The following CFAP144 variants were observed in gnomAD, a reference collection of about 807,000 sequenced individuals.
CFAP144 encodes the protein cilia- and flagella-associated protein 144.
chr1:43,145,927 A>G, the CFAP144 span, among the ~76,000 whole-genome samples: 2 of 152,238 alleles, frequency 1.3e-5, no homozygotes, highest in Non-Finnish European at 2.9e-5. Flanking sequence ...ATGGACTTGC[A>G]CAAATGGGGA....
chr1:43,149,303 T>A, the CFAP144 span, among the ~76,000 whole-genome samples: 1 of 152,202 alleles, frequency 6.6e-6, no homozygotes, highest in Non-Finnish European at 1.5e-5. Flanking sequence ...TAAGAAATAC[T>A]TTGGTGCCTA....
chr1:43,143,257 C>T, the CFAP144 span, among the ~76,000 whole-genome samples: 1 of 152,150 alleles, frequency 6.6e-6, no homozygotes, highest in Non-Finnish European at 1.5e-5. Context: ...AGTAGAGTCT[C>T]TACCTGAAAT....
At chr1:43,153,727 T>C in the CFAP144 span, among the ~76,000 whole-genome samples, 2 of 151,432 alleles carry the variant, frequency 1.3e-5, no homozygotes, top group Non-Finnish European at 2.9e-5. Context: ...GTAAGGGTCC[T>C]CTCCTTGTTT....
the CFAP144 span, among the ~76,000 whole-genome samples, chr1:43,147,057 C>T: frequency 6.6e-6 from 1 of 152,162 alleles, no homozygotes; most frequent in African/African-American, 2.4e-5. Flanking sequence ...GTTGGTCAAG[C>T]TGGTCTCGAA....
At chr1:43,153,957 G>T in the CFAP144 span, among the ~76,000 whole-genome samples, 2 of 149,654 alleles carry the variant, frequency 1.3e-5, no homozygotes, top group African/African-American at 4.9e-5. Context: ...TGGGTTTTGT[G>T]CCTTGCTTAG....
the CFAP144 span, among the ~76,000 whole-genome samples, chr1:43,142,984 G>A: frequency 6.6e-6 from 1 of 151,936 alleles, no homozygotes; most frequent in African/African-American, 2.4e-5. Flanking sequence ...AGGCTCTGGA[G>A]TGCATGTGCA....
At chr1:43,144,659 C>T in the CFAP144 span, among the ~76,000 whole-genome samples, 1 of 152,152 alleles carries the variant, frequency 6.6e-6, no homozygotes, top group Non-Finnish European at 1.5e-5. Flanking sequence ...TCAGCCCCGC[C>T]CACTACCCTA....
the CFAP144 span, among the ~76,000 whole-genome samples, chr1:43,143,296 T>C: frequency 6.6e-6 from 1 of 152,098 alleles, no homozygotes; most frequent in Non-Finnish European, 1.5e-5. Flanking sequence ...TCAAGGGAAA[T>C]CCAAATTACA....
chr1:43,148,311 GA>G, the CFAP144 span, among the ~76,000 whole-genome samples: 63 of 148,882 alleles, frequency 4.2e-4, 1 homozygote, highest in Admixed American at 1.5e-3. Flanking sequence ...TTTCGTTGTA[GA>G]AAAAAAAAAG....
At chr1:43,143,377 A>C in the CFAP144 span, among the ~76,000 whole-genome samples, 1 of 152,230 alleles carries the variant, frequency 6.6e-6, no homozygotes, top group East Asian at 1.9e-4. Flanking sequence ...TTTACTAATC[A>C]TGCAGCTGAA....
At chr1:43,144,989 C>T in the CFAP144 span, among the ~76,000 whole-genome samples, 1 of 152,238 alleles carries the variant, frequency 6.6e-6, no homozygotes. Context: ...CAACAGCAAA[C>T]CCACCTTCAG....
the CFAP144 span, chr1:43,150,885 C>A: frequency 7.5e-7 from 1 of 1,330,586 alleles, no homozygotes; most frequent in Non-Finnish European, 1.1e-6. Flanking sequence ...CTGGAGAGAC[C>A]TCTCAGGGTC....
chr1:43,143,069 A>G, the CFAP144 span, among the ~76,000 whole-genome samples: 5 of 152,158 alleles, frequency 3.3e-5, no homozygotes, highest in Non-Finnish European at 2.9e-5. Context: ...TAATAAGTAT[A>G]GTACACCATA....
the CFAP144 span, among the ~76,000 whole-genome samples, chr1:43,149,335 C>T: frequency 5.3e-5 from 8 of 152,180 alleles, no homozygotes; most frequent in African/African-American, 1.7e-4. Flanking sequence ...CCATTGCTGA[C>T]GAATCCCACA....
the CFAP144 span, among the ~76,000 whole-genome samples, chr1:43,149,113 C>G: frequency 6.6e-6 from 1 of 152,198 alleles, no homozygotes; most frequent in Non-Finnish European, 1.5e-5. Flanking sequence ...AACCCCTACA[C>G]CTTTGCTAGC....
the CFAP144 span, chr1:43,145,056 A>G: frequency 2.4e-5 from 14 of 572,578 alleles, no homozygotes; most frequent in Non-Finnish European, 4.1e-5. Context: ...CCTTGATACT[A>G]TTTCTATTTT....
At chr1:43,143,615 C>T in the CFAP144 span, among the ~76,000 whole-genome samples, 6 of 152,174 alleles carry the variant, frequency 3.9e-5, no homozygotes, top group Non-Finnish European at 7.3e-5. Context: ...TGGAGACAGG[C>T]ATCTCTGGTA....
chr1:43,153,853 CA>C, the CFAP144 span, among the ~76,000 whole-genome samples: 9,311 of 150,072 alleles, frequency 0.062, 921 homozygotes, highest in African/African-American at 0.21. Context: ...AAATTTCTGC[CA>C]CACGAGTCTT....
the CFAP144 span, chr1:43,147,819 G>A: frequency 1.3e-6 from 2 of 1,511,814 alleles, no homozygotes; most frequent in Non-Finnish European, 1.8e-6. Flanking sequence ...AGTGAGACCC[G>A]CCCCGACCGG....
Sources: allele counts gnomAD v4.1 joint callset (sites outside exome capture counted in the v4.1 genomes callset), GRCh38; gene constraint gnomAD v4.1.1; transcripts MANE v1.5; gene names NCBI Gene and HGNC (gene_info 2026-07-23, HGNC 2026-07-21).